Variants in LRMDA observed in about 807,000 individuals in gnomAD.
LRMDA encodes the protein leucine rich melanocyte differentiation associated.
LRMDA carries 18 observed loss-of-function variants against 29.8 expected under a neutral mutation model. The ratio of observed to expected loss-of-function variants is 0.60; its 90% confidence interval spans 0.42 to 0.90. The LOEUF is 0.90. Ranked by LOEUF, LRMDA falls within the 40% of genes least tolerant of loss-of-function variation. LRMDA has a pLI of 0.00. For missense variants in LRMDA, 273 were observed against 273.9 expected, an observed-to-expected ratio of 1.00 and a Z score of 0.02; for synonymous variants, 125 against 109.4, an observed-to-expected ratio of 1.14 and a Z score of -0.89.
chr10:76,314,144 T>A (rs1192829747), intron 5 of LRMDA, among the ~76,000 whole-genome samples: 1 of 152,224 alleles, frequency 6.6e-6, no homozygotes, highest in Admixed American at 6.5e-5. Context: ...AGGCAGAACA[T>A]CCTATCTATA....
chr10:75,507,378 T>C (rs1398727131), intron 2 of LRMDA, among the ~76,000 whole-genome samples: 1 of 152,174 alleles, frequency 6.6e-6, no homozygotes, highest in African/African-American at 2.4e-5. Flanking sequence ...GCCATCATTT[T>C]CCAGATTCTT....
At chr10:76,480,123 A>T (rs1260401391) in intron 6 of LRMDA, among the ~76,000 whole-genome samples, 1 of 151,984 alleles carries the variant, frequency 6.6e-6, no homozygotes, top group Non-Finnish European at 1.5e-5. Flanking sequence ...GAAAGATTAG[A>T]TGAAAATGAT....
chr10:76,069,042 A>G (rs998791203), intron 5 of LRMDA, among the ~76,000 whole-genome samples: 3 of 152,204 alleles, frequency 2.0e-5, no homozygotes, highest in South Asian at 2.1e-4. Context: ...CTCCTCACCA[A>G]CACCTCTAGA....
chr10:76,532,873 T>A (rs768447167), intron 6 of LRMDA, among the ~76,000 whole-genome samples: 1 of 152,174 alleles, frequency 6.6e-6, no homozygotes, highest in Non-Finnish European at 1.5e-5. Context: ...GTTACATTGC[T>A]TTAGTTATCA....
intron 6 of LRMDA, among the ~76,000 whole-genome samples, chr10:76,536,308 T>C (rs982769282): frequency 3.3e-5 from 5 of 152,192 alleles, no homozygotes; most frequent in Non-Finnish European, 5.9e-5. Context: ...ACTCTTTTTG[T>C]TTTAATCCAG....
At chr10:75,835,248 G>A (rs535039958) in intron 2 of LRMDA, among the ~76,000 whole-genome samples, 3 of 152,158 alleles carry the variant, frequency 2.0e-5, no homozygotes, top group African/African-American at 4.8e-5. Flanking sequence ...GCATTCCAGT[G>A]TCTAGCAACC....
intron 5 of LRMDA, among the ~76,000 whole-genome samples, chr10:76,181,630 C>T (rs760353471): frequency 7.2e-5 from 11 of 152,188 alleles, no homozygotes; most frequent in Non-Finnish European, 1.3e-4. Context: ...GACTTGAGAT[C>T]AGGCTAGAGG....
rs111991062 is a variant in LRMDA, at chr10:76,288,762, A to G, written c.517-35639A>G. ...ACCCCTCAATGTTAGTTACTACAATATAAGGAGAAACTGTGGTTTCCGTAG... is the reference window on the plus strand; with the variant it reads ...ACCCCTCAATGTTAGTTACTACAATGTAAGGAGAAACTGTGGTTTCCGTAG... On this transcript the variant is annotated intron_variant, in intron 5 of 6. Transcript: ENST00000611255. 2.2e-3 allele frequency among the ~76,000 whole-genome samples: 336 copies of G among 152,292 alleles called. 3 individuals are homozygous for G. Among genetic ancestry groups the G allele is most frequent in the African/African-American group, 7.3e-3 (304 of 41,568 alleles).
chr10:76,299,041 A>C (rs1026886768), intron 5 of LRMDA, among the ~76,000 whole-genome samples: 23 of 152,164 alleles, frequency 1.5e-4, no homozygotes, highest in Non-Finnish European at 2.2e-4. Flanking sequence ...AAAATAAGAA[A>C]TTATTAAATT....
intron 6 of LRMDA, among the ~76,000 whole-genome samples, chr10:76,467,149 G>A (rs1172319529): frequency 6.6e-6 from 1 of 152,168 alleles, no homozygotes; most frequent in East Asian, 1.9e-4. Context: ...GGATTTTTCA[G>A]GATAAAAACT....
At chr10:75,981,603 C>T (rs1847171450) in intron 2 of LRMDA, among the ~76,000 whole-genome samples, 1 of 152,114 alleles carries the variant, frequency 6.6e-6, no homozygotes, top group Non-Finnish European at 1.5e-5. Context: ...CCTGTAATCC[C>T]AGCACTTTGG....
At position 76,335,694 on chromosome 10, in the gene LRMDA, TA is replaced by T. The variant is rs540759158; in HGVS notation, c.601+11213del. 1.6e-3 allele frequency among the ~76,000 whole-genome samples: 250 copies of T among 152,256 alleles called. 1 individual carries two copies. Among genetic ancestry groups the T allele is most frequent in the African/African-American group, 5.8e-3 (240 of 41,556 alleles). On this transcript the variant is annotated intron_variant, in intron 6 of 6. Transcript: ENST00000611255. ...GGAGCTTCCAGGTTATAGGTAGATT[TA>T]AAATTTTTCTGATTGGCAATTGGTT...
At chr10:76,191,305 C>G (rs1204679560) in intron 5 of LRMDA, among the ~76,000 whole-genome samples, 4 of 152,170 alleles carry the variant, frequency 2.6e-5, no homozygotes, top group Non-Finnish European at 5.9e-5. Context: ...TACATAGATC[C>G]TGGATGGTGT....
chr10:76,294,327 C>T (rs1005381397), intron 5 of LRMDA, among the ~76,000 whole-genome samples: 1 of 152,098 alleles, frequency 6.6e-6, no homozygotes, highest in African/African-American at 2.4e-5. Context: ...TTGCTCCAGA[C>T]CTAATACAAG....
intron 5 of LRMDA, among the ~76,000 whole-genome samples, chr10:76,272,976 A>G (rs1420531780): frequency 6.6e-6 from 1 of 152,164 alleles, no homozygotes; most frequent in Non-Finnish European, 1.5e-5. Flanking sequence ...ACATGTGGGG[A>G]TTACAATTCA....
At chr10:76,233,906 G>T (rs750518995) in intron 5 of LRMDA, among the ~76,000 whole-genome samples, 1 of 152,102 alleles carries the variant, frequency 6.6e-6, no homozygotes, top group Non-Finnish European at 1.5e-5. Context: ...AAAATCATCC[G>T]TGAGGGTTGG....
At chr10:75,971,984 T>C (rs1846981401) in intron 2 of LRMDA, among the ~76,000 whole-genome samples, 1 of 152,206 alleles carries the variant, frequency 6.6e-6, no homozygotes, top group African/African-American at 2.4e-5. Context: ...GTCTTTCATA[T>C]TTCAGATGTC....
intron 5 of LRMDA, among the ~76,000 whole-genome samples, chr10:76,206,910 G>A (rs1279257419): frequency 2.0e-5 from 3 of 152,158 alleles, no homozygotes; most frequent in Non-Finnish European, 4.4e-5. Context: ...CTTGCTATGC[G>A]CCAAACGCTC....
chr10:75,979,198 C>T (rs1464622213), intron 2 of LRMDA, among the ~76,000 whole-genome samples: 1 of 152,030 alleles, frequency 6.6e-6, no homozygotes, highest in Non-Finnish European at 1.5e-5. Context: ...ATTATTATGG[C>T]TTATATTACT....
Sources: allele counts gnomAD v4.1 joint callset (sites outside exome capture counted in the v4.1 genomes callset), GRCh38; gene constraint gnomAD v4.1.1; transcripts MANE v1.5; gene names NCBI Gene and HGNC (gene_info 2026-07-23, HGNC 2026-07-21).